Variants in RTL4 observed in about 807,000 individuals in gnomAD.
RTL4 encodes the protein retrotransposon Gag-like protein 4.
Under a neutral mutation model 5.3 loss-of-function variants are expected in RTL4, and 4 were observed. The ratio of observed to expected loss-of-function variants is 0.75; its 90% CI spans 0.37 to 1.72. RTL4 has a LOEUF of 1.72. Among genes scored for constraint, RTL4 ranks in the 40% most tolerant of loss-of-function variants. RTL4 has a pLI of 0.04. For missense variants in RTL4, 260 were observed against 227.1 expected (o/e 1.14, Z -0.93); for synonymous variants, 98 against 87.3 (o/e 1.12, Z -0.68).
At chrX:112,325,224 C>T in the RTL4 span, among the ~76,000 whole-genome samples, 5 of 111,560 alleles carry the variant, frequency 4.5e-5, no homozygotes, top group South Asian at 1.1e-3. Flanking sequence ...GCCATACTGC[C>T]CAAGGTAATT....
At chrX:112,325,802 G>T in the RTL4 span, among the ~76,000 whole-genome samples, 2 of 112,170 alleles carry the variant, frequency 1.8e-5, no homozygotes, top group East Asian at 5.6e-4. Flanking sequence ...TTCACAAATG[G>T]GATCTAATTA....
chrX:112,224,895 G>A, the RTL4 span, among the ~76,000 whole-genome samples: 1 of 111,705 alleles, frequency 9.0e-6, no homozygotes, highest in Non-Finnish European at 1.9e-5. Context: ...ATAGCTCTCA[G>A]GAACACTTTT....
the RTL4 span, among the ~76,000 whole-genome samples, chrX:112,334,563 A>G: frequency 8.9e-6 from 1 of 111,832 alleles, no homozygotes; most frequent in African/African-American, 3.2e-5. Context: ...CAACCTGTAT[A>G]TACAATGAAA....
the RTL4 span, among the ~76,000 whole-genome samples, chrX:112,215,127 T>C: frequency 9.0e-6 from 1 of 111,688 alleles, no homozygotes; most frequent in East Asian, 2.8e-4. Context: ...TATTTATTTT[T>C]ATATTATTCG....
the RTL4 span, among the ~76,000 whole-genome samples, chrX:112,424,739 A>C: frequency 5.8e-4 from 65 of 111,265 alleles, no homozygotes; most frequent in African/African-American, 2.0e-3. Context: ...GAAATATTTT[A>C]CTGAAGTTGG....
the RTL4 span, among the ~76,000 whole-genome samples, chrX:112,412,374 C>T: frequency 5.4e-5 from 6 of 110,987 alleles, no homozygotes; most frequent in Admixed American, 9.6e-5. Flanking sequence ...TATATAAAAA[C>T]GCAAAAGACC....
the RTL4 span, among the ~76,000 whole-genome samples, chrX:112,173,881 T>C: frequency 2.7e-5 from 3 of 110,930 alleles, no homozygotes; most frequent in East Asian, 2.8e-4. Context: ...CTTTTTGAAA[T>C]CCCACAGGGC....
chrX:112,309,094 G>A, the RTL4 span, among the ~76,000 whole-genome samples: 1 of 111,747 alleles, frequency 8.9e-6, no homozygotes. Flanking sequence ...AGCAAGCACT[G>A]ATATTAGTAA....
the RTL4 span, among the ~76,000 whole-genome samples, chrX:112,210,206 T>C: frequency 8.9e-6 from 1 of 112,270 alleles, no homozygotes. Flanking sequence ...TACTTTCTCC[T>C]TGCCTTACCT....
At chrX:112,267,496 T>C in the RTL4 span, among the ~76,000 whole-genome samples, 1 of 112,028 alleles carries the variant, frequency 8.9e-6, no homozygotes, top group African/African-American at 3.2e-5. Context: ...CCAATCTCTG[T>C]GATCTCCATG....
chrX:112,434,615 T>G, the RTL4 span, among the ~76,000 whole-genome samples: 4 of 112,022 alleles, frequency 3.6e-5, no homozygotes, highest in South Asian at 3.7e-4. Context: ...TATTTGATTC[T>G]TCTCTCTTTT....
At chrX:112,211,560 C>A in the RTL4 span, among the ~76,000 whole-genome samples, 2 of 112,300 alleles carry the variant, frequency 1.8e-5, no homozygotes, top group Non-Finnish European at 3.8e-5. Flanking sequence ...GGCTGCTTTG[C>A]ACAGCACAGG....
chrX:112,162,912 T>C, the RTL4 span, among the ~76,000 whole-genome samples: 1 of 111,883 alleles, frequency 8.9e-6, no homozygotes, highest in Admixed American at 9.5e-5. Context: ...AGGAGATGAA[T>C]TTATTTAGCG....
the RTL4 span, among the ~76,000 whole-genome samples, chrX:112,260,835 T>A: frequency 8.9e-6 from 1 of 111,889 alleles, no homozygotes; most frequent in African/African-American, 3.2e-5. Flanking sequence ...AATCTGGGCC[T>A]CAAGAGCATA....
the RTL4 span, among the ~76,000 whole-genome samples, chrX:112,377,191 G>T: frequency 9.0e-6 from 1 of 111,474 alleles, no homozygotes; most frequent in Non-Finnish European, 1.9e-5. Context: ...CCCAATAGAG[G>T]TTCTAGAGGC....
chrX:112,380,677 G>A, the RTL4 span, among the ~76,000 whole-genome samples: 1 of 112,469 alleles, frequency 8.9e-6, no homozygotes, highest in African/African-American at 3.2e-5. Context: ...GGCTGCGAAC[G>A]AAAACAGAAC....
chrX:112,273,268 T>G, the RTL4 span, among the ~76,000 whole-genome samples: 13 of 109,407 alleles, frequency 1.2e-4, no homozygotes, highest in East Asian at 3.5e-3. Context: ...TTTTTTTTTT[T>G]TTTGAGATGG....
the RTL4 span, among the ~76,000 whole-genome samples, chrX:112,336,452 A>G: frequency 9.0e-6 from 1 of 111,507 alleles, no homozygotes; most frequent in Non-Finnish European, 1.9e-5. Context: ...TGTGCATTCA[A>G]TCTCACATTC....
the RTL4 span, among the ~76,000 whole-genome samples, chrX:112,391,911 C>T: frequency 9.1e-6 from 1 of 109,943 alleles, no homozygotes; most frequent in Admixed American, 9.6e-5. Flanking sequence ...GGGGGCTCCA[C>T]CCCCAGAGAG....
Sources: gnomAD v4.1 joint callset for allele counts (sites outside exome capture counted in the v4.1 genomes callset) on GRCh38, gnomAD v4.1.1 for gene constraint, MANE v1.5 for transcripts, NCBI Gene and HGNC (gene_info 2026-07-23, HGNC 2026-07-21) for gene names.